The following MARVELD2 variants were observed in gnomAD, a reference collection of about 807,000 sequenced individuals.
MARVELD2 encodes the protein MARVEL domain-containing protein 2.
MARVELD2 carries 49 observed loss-of-function variants against 57.6 expected under a neutral mutation model. That is an observed-to-expected ratio of 0.85 (90% confidence interval 0.68 to 1.08). The LOEUF is 1.08. Ranked by LOEUF, MARVELD2 falls within the 50% of genes least tolerant of loss-of-function variation. The pLI is 0.00. For missense variants in MARVELD2, 606 were observed against 701.1 expected, an observed-to-expected ratio of 0.86 and a Z score of 1.53; for synonymous variants, 238 against 258.8, an observed-to-expected ratio of 0.92 and a Z score of 0.77.
Position 69,441,700 on chromosome 5 carries a change from T to G in MARVELD2, c.*46T>G, listed in dbSNP as rs1426695366. ...ATTTTTTTATTTTATTTTATTTTTTTGAGATGAAGTCTCGCTCTGTTACCC... is the reference window on the plus strand; with the variant it reads ...ATTTTTTTATTTTATTTTATTTTTTGGAGATGAAGTCTCGCTCTGTTACCC... On this transcript the variant is annotated 3_prime_UTR_variant, in exon 7 of 7. Transcript: ENST00000325631. The G allele has an allele frequency of 7.4e-7, 1 of 1,357,360 alleles. No homozygotes were observed. Among genetic ancestry groups the G allele is most frequent in the East Asian group, 2.6e-5 (1 of 38,938 alleles). The allele number at this position is 1,357,360 out of a possible 1,614,324, so 84.1% of individuals were successfully genotyped here.
chr5:69,439,378 C>G (rs1344703113), intron 5 of MARVELD2, among the ~76,000 whole-genome samples: 2 of 151,338 alleles, frequency 1.3e-5, no homozygotes, highest in Admixed American at 1.3e-4. Flanking sequence ...CCAGGCTGGT[C>G]TTGAACTCCT....
At chr5:69,420,942 A>T (rs1227051467) in intron 2 of MARVELD2, among the ~76,000 whole-genome samples, 1 of 152,182 alleles carries the variant, frequency 6.6e-6, no homozygotes, top group Non-Finnish European at 1.5e-5. Context: ...CTAATTTTTC[A>T]TTTAAATGTT....
At chr5:69,435,752 CAA>C (rs35281029) in intron 5 of MARVELD2, among the ~76,000 whole-genome samples, 1,779 of 64,684 alleles carry the variant, frequency 0.028, 11 homozygotes, top group African/African-American at 0.037. Context: ...GACCCTGTCT[CAA>C]AAAAAAAAAA....
intron 2 of MARVELD2, among the ~76,000 whole-genome samples, chr5:69,421,277 A>G (rs917588110): frequency 2.6e-5 from 4 of 152,216 alleles, no homozygotes; most frequent in Non-Finnish European, 4.4e-5. Flanking sequence ...AACAGTAGCA[A>G]ATGTTAGAGT....
intron 4 of MARVELD2, 114 bp from the exon 5 acceptor site, chr5:69,432,808 G>A (rs1767006295): frequency 4.7e-5 from 72 of 1,532,314 alleles, no homozygotes; most frequent in Non-Finnish European, 6.2e-5. Flanking sequence ...TATCTGAGAG[G>A]TAATGTATTG....
chr5:69,426,625 G>A lies in MARVELD2; in HGVS notation c.1182+1989G>A, dbSNP rs551406653. On this transcript the variant is annotated intron_variant, in intron 3 of 6. Transcript: ENST00000325631. ...TGGGATTACAGGCGTGAGTCACCGC[G>A]CCCGGCCTGGACATTATTTCTTAGC... 5.3e-5 allele frequency among the ~76,000 whole-genome samples: 8 copies of A among 151,940 alleles called. 1 individual carries two copies. The highest frequency in any genetic ancestry group is 1.4e-4 in the African/African-American group (6 of 41,466).
intron 1 of MARVELD2, among the ~76,000 whole-genome samples, chr5:69,416,161 A>G (rs1018777472): frequency 1.3e-5 from 2 of 152,260 alleles, no homozygotes; most frequent in Non-Finnish European, 2.9e-5. Context: ...TATCCTGTAA[A>G]TGCTGTGTAA....
At chr5:69,436,348 CA>C (rs1336278218) in intron 5 of MARVELD2, among the ~76,000 whole-genome samples, 1 of 140,318 alleles carries the variant, frequency 7.1e-6, no homozygotes, top group African/African-American at 2.7e-5. Flanking sequence ...GCGACAGAGC[CA>C]AAAAAAACCA....
chr5:69,419,606 A>G lies in MARVELD2; in HGVS notation c.221A>G (p.Asp74Gly), dbSNP rs149622998. ...SDTEEPAIAP[D>G]LKPVRRFVPD... ...ACAGAAGAACCAGCTATAGCGCCAG[A>G]TCTCAAACCAGTAAGGCGCTTTGTC... The change falls in exon 2 of 7, where the codon GAT becomes GGT. Residue 74 changes from aspartate (D) to glycine (G), a missense_variant. By Grantham distance (94) the Asp-to-Gly change is moderately conservative (BLOSUM62 -1). Transcript: ENST00000325631. 3.3e-5 allele frequency: 53 copies of G among 1,613,944 alleles called. No individual in the cohort carries two copies. Among genetic ancestry groups the G allele is most frequent in the Non-Finnish European group, 4.2e-5 (49 of 1,180,010 alleles).
chr5:69,436,977 G>T (rs552342852), intron 5 of MARVELD2, among the ~76,000 whole-genome samples: 1 of 151,930 alleles, frequency 6.6e-6, no homozygotes, highest in African/African-American at 2.4e-5. Context: ...AGTGGCTCAT[G>T]CCTGTAATCC....
rs530892254 is a variant in MARVELD2, at chr5:69,441,656, G to A, written c.*2G>A. 49 of 1,553,192 alleles carry A rather than the reference G, an allele frequency of 3.2e-5. No individual in the cohort carries two copies. The Admixed American group carries it at 5.0e-4, about 16-fold the overall frequency. On this transcript the variant is annotated 3_prime_UTR_variant, in exon 7 of 7. Transcript: ENST00000325631. ...TGGGATGTACAAGGTTATTCTTAAC[G>A]CTTATTTGAAACCACTTTATTTTTT...
intron 5 of MARVELD2, among the ~76,000 whole-genome samples, chr5:69,436,454 T>C (rs2583700): frequency 0.24 from 16,764 of 69,786 alleles, 990 homozygotes; most frequent in Admixed American, 0.29. Flanking sequence ...CACACACACA[T>C]ATATATAAAT....
At chr5:69,415,518 C>G (rs201471839) in intron 1 of MARVELD2, 1 of 152,212 alleles carries the variant, frequency 6.6e-6, no homozygotes, top group African/African-American at 2.4e-5. Flanking sequence ...GAACGCCTAG[C>G]CGGCGCGGGC....
At chr5:69,415,553 G>A (rs771834967) in intron 1 of MARVELD2, 2 of 152,362 alleles carry the variant, frequency 1.3e-5, no homozygotes, top group African/African-American at 4.8e-5. Context: ...AATGAGATTT[G>A]TGGGACCGGG....
At chr5:69,436,208 A>G (rs914967262) in intron 5 of MARVELD2, among the ~76,000 whole-genome samples, 2 of 152,040 alleles carry the variant, frequency 1.3e-5, no homozygotes, top group Non-Finnish European at 2.9e-5. Context: ...TAAAAACTAA[A>G]TGTCGGTCTG....
chr5:69,437,369 GA>G (rs1259074652), intron 5 of MARVELD2, among the ~76,000 whole-genome samples: 1 of 125,492 alleles, frequency 8.0e-6, no homozygotes, highest in African/African-American at 3.1e-5. Flanking sequence ...CAACAAGAGC[GA>G]AACTCTGTCT....
intron 4 of MARVELD2, 96 bp from the exon 5 acceptor site, chr5:69,432,826 G>C (rs570043874): frequency 6.5e-7 from 1 of 1,545,654 alleles, no homozygotes; most frequent in Admixed American, 1.7e-5. Flanking sequence ...TTGAATTGAA[G>C]GTACAATATG....
At chr5:69,423,322 A>G (rs764686214) in intron 2 of MARVELD2, among the ~76,000 whole-genome samples, 11 of 152,138 alleles carry the variant, frequency 7.2e-5, no homozygotes, top group Non-Finnish European at 1.0e-4. Flanking sequence ...CGGTGGCACA[A>G]TCATGGCTCA....
intron 1 of MARVELD2, among the ~76,000 whole-genome samples, chr5:69,418,492 C>T (rs1766497272): frequency 6.6e-6 from 1 of 152,156 alleles, no homozygotes; most frequent in African/African-American, 2.4e-5. Flanking sequence ...CTGAATTGCC[C>T]TCGAAAGAGT....
Sources: gnomAD v4.1 joint callset for allele counts (sites outside exome capture counted in the v4.1 genomes callset) on GRCh38, gnomAD v4.1.1 for gene constraint, MANE v1.5 for transcripts, NCBI Gene and HGNC (gene_info 2026-07-23, HGNC 2026-07-21) for gene names.